The following NAV2 variants were observed in gnomAD, a reference collection of about 807,000 sequenced individuals.
NAV2 encodes neuron navigator 2, also known as helicase, APC down-regulated 1.
Under a neutral mutation model 223.2 loss-of-function variants are expected in NAV2, and 54 were observed. The ratio of observed to expected loss-of-function variants is 0.24; its 90% CI spans 0.19 to 0.30. NAV2 has a LOEUF of 0.30. Among genes scored for constraint, NAV2 ranks in the 10% least tolerant of loss-of-function variants. The probability of loss-of-function intolerance (pLI) is 1.00; values close to 1 mark genes in which losing one functional copy is unlikely to be tolerated. For synonymous variants in NAV2, 1,279 were observed against 1,239.3 expected, an observed-to-expected ratio of 1.03 and a Z score of -0.67; for missense variants, 2,806 against 3,147.5, an observed-to-expected ratio of 0.89 and a Z score of 2.60.
At chr11:19,452,107 AGTGTGTGTGTGTGT>A (rs60628637) in intron 1 of NAV2, among the ~76,000 whole-genome samples, 2,517 of 146,756 alleles carry the variant, frequency 0.017, 38 homozygotes, top group African/African-American at 0.026. Flanking sequence ...AGGTTACAAA[AGTGTGTGTGTGTGT>A]GTGTGTGTGT....
At chr11:19,885,483 T>C (rs535391823) in intron 5 of NAV2, among the ~76,000 whole-genome samples, 1 of 152,250 alleles carries the variant, frequency 6.6e-6, no homozygotes, top group Non-Finnish European at 1.5e-5. Flanking sequence ...TAGAATCTCC[T>C]TATTATGACT....
chr11:19,757,927 G>T (rs1263905023), intron 1 of NAV2, among the ~76,000 whole-genome samples: 2 of 152,116 alleles, frequency 1.3e-5, no homozygotes, highest in African/African-American at 4.8e-5. Context: ...CCAGTCTCTT[G>T]GTGCTGCCTC....
At chr11:19,884,234 T>C in intron 5 of NAV2, 1 of 1,259,262 alleles carries the variant, frequency 7.9e-7, no homozygotes, top group Non-Finnish European at 1.2e-6. Context: ...GATTTGTGTG[T>C]CTAATGTATC....
chr11:19,447,223 G>C (rs1229556284), intron 1 of NAV2, among the ~76,000 whole-genome samples: 2 of 152,208 alleles, frequency 1.3e-5, no homozygotes, highest in African/African-American at 4.8e-5. Context: ...ATCTCTTCCA[G>C]ATTACTTGAG....
intron 3 of NAV2, among the ~76,000 whole-genome samples, chr11:19,862,924 T>C (rs970135614): frequency 1.3e-5 from 2 of 152,216 alleles, no homozygotes; most frequent in African/African-American, 4.8e-5. Context: ...TTTTTCTTCT[T>C]TTTTAGTTTT....
chr11:19,837,280 G>A (rs551187001), intron 2 of NAV2, among the ~76,000 whole-genome samples: 38 of 152,278 alleles, frequency 2.5e-4, no homozygotes, highest in Non-Finnish European at 1.6e-4. Context: ...GGAGAAGAGA[G>A]GGCTGGACTC....
At chr11:19,531,049 T>C (rs981941570) in intron 1 of NAV2, among the ~76,000 whole-genome samples, 1 of 152,236 alleles carries the variant, frequency 6.6e-6, no homozygotes, top group Non-Finnish European at 1.5e-5. Context: ...ATATTTATAA[T>C]ATTCATCCAA....
intron 1 of NAV2, among the ~76,000 whole-genome samples, chr11:19,740,252 G>T (rs949726233): frequency 2.6e-5 from 4 of 152,196 alleles, no homozygotes; most frequent in Admixed American, 1.3e-4. Context: ...TCCAGGTAAA[G>T]GGGACATTGT....
intron 1 of NAV2, among the ~76,000 whole-genome samples, chr11:19,354,598 T>C (rs1331982367): frequency 6.6e-6 from 1 of 152,256 alleles, no homozygotes; most frequent in Non-Finnish European, 1.5e-5. Flanking sequence ...TCCCTTTTAA[T>C]TGATGCATAA....
chr11:19,495,570 A>G (rs1310340681), intron 1 of NAV2, among the ~76,000 whole-genome samples: 2 of 152,312 alleles, frequency 1.3e-5, no homozygotes, highest in Admixed American at 6.5e-5. Flanking sequence ...TCATTCATTT[A>G]TTCTGTTATC....
rs759709614 is a variant in NAV2 at position 19,730,659 on chromosome 11, G to A, written c.267+16697G>A. On this transcript the variant is annotated intron_variant, in intron 1 of 37. Coordinates refer to ENST00000349880, the MANE Select transcript of NAV2 (RefSeq NM_145117.5). Reference sequence around the variant, plus strand: ...TAACTCCCTATGCCAGGAAGGCAGCGTGAACCCAGTTCCTCAGGCTACAGC... The same window carrying A: ...TAACTCCCTATGCCAGGAAGGCAGCATGAACCCAGTTCCTCAGGCTACAGC... Among the ~76,000 whole-genome samples, 17 of 152,328 alleles carry A rather than the reference G, an allele frequency of 1.1e-4. No individual in the cohort carries two copies. The East Asian group carries it at 1.7e-3, about 16-fold the overall frequency.
At chr11:20,103,951 G>A (rs938681818) in intron 34 of NAV2, among the ~76,000 whole-genome samples, 2 of 152,200 alleles carry the variant, frequency 1.3e-5, no homozygotes, top group Admixed American at 1.3e-4. Context: ...AGTGACTTGG[G>A]TGAGGTCACA....
At chr11:19,570,021 G>C (rs1447902220) in intron 1 of NAV2, among the ~76,000 whole-genome samples, 19 of 152,290 alleles carry the variant, frequency 1.2e-4, no homozygotes, top group Non-Finnish European at 2.9e-5. Flanking sequence ...AGCTATCAGG[G>C]GGAACATCTG....
chr11:19,564,653 C>CAG (rs1431977935), intron 1 of NAV2, among the ~76,000 whole-genome samples: 2 of 127,526 alleles, frequency 1.6e-5, no homozygotes, highest in African/African-American at 9.5e-5. Context: ...GACCTGCCCT[C>CAG]TAGTTCCCTT....
chr11:19,373,159 T>C (rs1485804158), intron 1 of NAV2, among the ~76,000 whole-genome samples: 2 of 152,210 alleles, frequency 1.3e-5, no homozygotes, highest in Non-Finnish European at 2.9e-5. Context: ...GAATGTTAAG[T>C]GCCCTGGGGC....
intron 2 of NAV2, 33 bp from the exon 3 acceptor site, chr11:19,842,838 A>G: frequency 1.9e-6 from 3 of 1,610,578 alleles, no homozygotes; most frequent in Non-Finnish European, 1.7e-6. Context: ...CTCTCTGGTG[A>G]TTTATTTTTC....
intron 1 of NAV2, among the ~76,000 whole-genome samples, chr11:19,362,861 A>G (rs893469219): frequency 1.3e-5 from 2 of 152,242 alleles, no homozygotes; most frequent in African/African-American, 4.8e-5. Context: ...CTATGTCAGT[A>G]TTAGTTGTTA....
At chr11:19,644,855 A>G (rs571861498) in intron 1 of NAV2, among the ~76,000 whole-genome samples, 25 of 152,350 alleles carry the variant, frequency 1.6e-4, no homozygotes, top group African/African-American at 5.5e-4. Flanking sequence ...TTATGGCATT[A>G]TCTGTAGCCC....
chr11:20,014,818 C>T (rs139490711), intron 11 of NAV2, among the ~76,000 whole-genome samples: 3 of 152,328 alleles, frequency 2.0e-5, no homozygotes, highest in Non-Finnish European at 2.9e-5. Flanking sequence ...AGGAGACTCA[C>T]TTGAACCCGG....
Sources: gnomAD v4.1 joint callset for allele counts (sites outside exome capture counted in the v4.1 genomes callset) on GRCh38, gnomAD v4.1.1 for gene constraint, MANE v1.5 for transcripts, NCBI Gene and HGNC (gene_info 2026-07-23, HGNC 2026-07-21) for gene names.